Variants in CHSY3 observed in about 807,000 individuals in gnomAD.
The protein encoded by CHSY3 is chondroitin sulfate synthase 3.
In CHSY3, 35 loss-of-function variants were observed where a neutral mutation model predicts 67.2. The observed-to-expected ratio is 0.52, with a 90% CI of 0.40 to 0.69. The LOEUF is 0.69. Ranked by LOEUF, CHSY3 falls within the 30% of genes least tolerant of loss-of-function variation. The pLI, the probability that CHSY3 is intolerant of heterozygous loss-of-function variation, is 0.00. For synonymous variants in CHSY3, 474 were observed against 434.7 expected, an observed-to-expected ratio of 1.09 and a Z score of -1.12; for missense variants, 1,069 against 1,138.5, an observed-to-expected ratio of 0.94 and a Z score of 0.88.
rs970408693 is a variant in CHSY3 at position 130,051,408 on chromosome 5, TCTTA to T, written c.1087-132817_1087-132814del. ...CACTAAATTTTGATTCTTTCTAGGC[TCTTA>T]CTTTCTTAACCAAAGAAAAACATGT... On this transcript the variant is annotated intron_variant, in intron 2 of 2. Transcript: ENST00000305031. Among the ~76,000 whole-genome samples, 2 of 152,106 alleles carry T rather than the reference TCTTA, an allele frequency of 1.3e-5. 1 individual carries two copies. The highest frequency in any genetic ancestry group is 1.3e-4 in the Admixed American group (2 of 15,246).
intron 2 of CHSY3, among the ~76,000 whole-genome samples, chr5:130,178,253 A>ATATATATTTTTT (rs1205782386): frequency 2.0e-4 from 9 of 45,910 alleles, no homozygotes; most frequent in African/African-American, 3.0e-4. Flanking sequence ...ATATATATAT[A>ATATATATTTTTT]TTTTTTTTTT....
intron 2 of CHSY3, among the ~76,000 whole-genome samples, chr5:129,924,643 T>TAAA: frequency 7.3e-6 from 1 of 136,850 alleles, no homozygotes; most frequent in African/African-American, 2.7e-5. Flanking sequence ...AGACTCCCTC[T>TAAA]AAAAAAAAAA....
intron 2 of CHSY3, among the ~76,000 whole-genome samples, chr5:130,158,455 G>T (rs538497072): frequency 6.6e-6 from 1 of 152,286 alleles, no homozygotes; most frequent in East Asian, 1.9e-4. Context: ...AAGTTTCCTA[G>T]AGTACTTCTT....
intron 2 of CHSY3, among the ~76,000 whole-genome samples, chr5:130,068,986 A>G (rs572958697): frequency 4.4e-4 from 67 of 152,170 alleles, no homozygotes; most frequent in African/African-American, 1.4e-3. Context: ...TACTCAAAAT[A>G]TATATGTATT....
At chr5:130,170,355 A>C (rs960807283) in intron 2 of CHSY3, among the ~76,000 whole-genome samples, 1 of 152,110 alleles carries the variant, frequency 6.6e-6, no homozygotes, top group Non-Finnish European at 1.5e-5. Context: ...CATGGTGTGT[A>C]TATACCACAT....
intron 2 of CHSY3, among the ~76,000 whole-genome samples, chr5:129,942,636 T>A (rs909752046): frequency 6.6e-6 from 1 of 152,296 alleles, no homozygotes; most frequent in African/African-American, 2.4e-5. Flanking sequence ...ATCTCCGTTT[T>A]ATAGATAATG....
intron 2 of CHSY3, among the ~76,000 whole-genome samples, chr5:129,912,283 A>G (rs1760589484): frequency 1.3e-5 from 2 of 152,124 alleles, no homozygotes; most frequent in Non-Finnish European, 2.9e-5. Flanking sequence ...TACAGTATAG[A>G]TTTCTAAATT....
At position 130,097,755 on chromosome 5, in the gene CHSY3, G is replaced by A. The variant is rs1002784783; in HGVS notation, c.1087-86474G>A. 5.9e-5 allele frequency among the ~76,000 whole-genome samples: 9 copies of A among 152,260 alleles called. No homozygotes were observed. In the Middle Eastern group the frequency reaches 0.024, roughly 403 times the overall value. ...GCGGTGGCTCACGCCTGTAATCCCA[G>A]CACTTTGGGAGGCCGAGGCGGGCGG... On this transcript the variant is annotated intron_variant, in intron 2 of 2. Transcript: ENST00000305031.
At chr5:129,905,744 G>A in intron 1 of CHSY3, 113 bp downstream of exon 1, 2 of 1,521,574 alleles carry the variant, frequency 1.3e-6, no homozygotes, top group South Asian at 1.3e-5. Context: ...CACGTGCTTC[G>A]GGCTCCCACA....
chr5:129,968,319 T>C (rs1304304522), intron 2 of CHSY3, among the ~76,000 whole-genome samples: 3 of 151,898 alleles, frequency 2.0e-5, no homozygotes, highest in East Asian at 1.9e-4. Flanking sequence ...TTTGAACATA[T>C]ATTTTCAAGT....
chr5:129,971,754 T>C (rs1183639670), intron 2 of CHSY3, among the ~76,000 whole-genome samples: 2 of 152,012 alleles, frequency 1.3e-5, no homozygotes, highest in Non-Finnish European at 2.9e-5. Context: ...ACATTATTAA[T>C]GAGGGCTATA....
chr5:130,114,627 G>A (rs1767721426), intron 2 of CHSY3: 1 of 152,136 alleles, frequency 6.6e-6, no homozygotes, highest in African/African-American at 2.4e-5. Flanking sequence ...ACACTGTCAT[G>A]GAACTCTGAA....
chr5:130,171,705 A>G (rs1157287904), intron 2 of CHSY3, among the ~76,000 whole-genome samples: 1 of 152,210 alleles, frequency 6.6e-6, no homozygotes, highest in African/African-American at 2.4e-5. Flanking sequence ...AAAAAATGAA[A>G]CAGGAAAAAT....
intron 2 of CHSY3, among the ~76,000 whole-genome samples, chr5:130,098,798 T>A (rs150027998): frequency 1.3e-5 from 2 of 152,336 alleles, no homozygotes; most frequent in African/African-American, 4.8e-5. Context: ...ATCATTAAGA[T>A]ATTCAGAAAT....
At chr5:129,986,146 G>A (rs1763194061) in intron 2 of CHSY3, among the ~76,000 whole-genome samples, 1 of 152,136 alleles carries the variant, frequency 6.6e-6, no homozygotes, top group Non-Finnish European at 1.5e-5. Context: ...CATTCAGTAT[G>A]CTGTTGGCTG....
At chr5:130,032,073 T>C (rs913836964) in intron 2 of CHSY3, among the ~76,000 whole-genome samples, 2 of 152,166 alleles carry the variant, frequency 1.3e-5, no homozygotes, top group Non-Finnish European at 2.9e-5. Flanking sequence ...TCATTTATGG[T>C]TCCTCCCTAT....
intron 2 of CHSY3, among the ~76,000 whole-genome samples, chr5:130,074,264 T>C (rs1339849024): frequency 6.6e-6 from 1 of 151,774 alleles, no homozygotes; most frequent in Non-Finnish European, 1.5e-5. Context: ...ACAGATGGAG[T>C]TTCACCACGT....
At chr5:130,144,795 C>T (rs969481567) in intron 2 of CHSY3, among the ~76,000 whole-genome samples, 5 of 152,168 alleles carry the variant, frequency 3.3e-5, no homozygotes, top group Non-Finnish European at 7.3e-5. Flanking sequence ...TTAGGCCCTT[C>T]TCTCAATTGC....
intron 2 of CHSY3, among the ~76,000 whole-genome samples, chr5:129,914,586 A>G (rs892371935): frequency 2.0e-5 from 3 of 152,350 alleles, no homozygotes; most frequent in South Asian, 2.1e-4. Flanking sequence ...CTTTACTAAA[A>G]GCAGTAAGCT....
Sources: gnomAD v4.1 joint callset for allele counts (sites outside exome capture counted in the v4.1 genomes callset) on GRCh38, gnomAD v4.1.1 for gene constraint, MANE v1.5 for transcripts, NCBI Gene and HGNC (gene_info 2026-07-23, HGNC 2026-07-21) for gene names.